Variants in PDE11A observed in about 807,000 individuals in gnomAD.
PDE11A encodes phosphodiesterase 11A.
A neutral mutation model predicts 100.5 loss-of-function variants in PDE11A; 100 were observed. That is an observed-to-expected ratio of 1.00 (90% CI 0.85 to 1.18). The LOEUF (loss-of-function observed/expected upper bound fraction) is 1.18. Ranked by LOEUF, PDE11A falls within the 50% of genes most tolerant of loss-of-function variation. The pLI is 0.00. For missense variants in PDE11A, 1,141 were observed against 1,152.6 expected, an observed-to-expected ratio of 0.99 and a Z score of 0.15; for synonymous variants, 381 against 420.8, an observed-to-expected ratio of 0.91 and a Z score of 1.16.
intron 2 of PDE11A, among the ~76,000 whole-genome samples, chr2:178,098,209 T>A (rs912565989): frequency 6.6e-6 from 1 of 152,208 alleles, no homozygotes; most frequent in Admixed American, 6.5e-5. Flanking sequence ...TCAAGTGTAA[T>A]AACAATCCCC....
At chr2:177,914,969 G>C (rs901885407) in intron 2 of PDE11A, among the ~76,000 whole-genome samples, 1 of 152,084 alleles carries the variant, frequency 6.6e-6, no homozygotes, top group Non-Finnish European at 1.5e-5. Context: ...TTTGCATGCT[G>C]TTTTAAGGGT....
chr2:177,691,806 C>T (rs531717655), intron 15 of PDE11A, among the ~76,000 whole-genome samples: 1 of 152,134 alleles, frequency 6.6e-6, no homozygotes, highest in Non-Finnish European at 1.5e-5. Context: ...TGTTGAAAGT[C>T]ATTTTGTTTC....
At chr2:178,087,217 G>A (rs1026340134) in intron 2 of PDE11A, among the ~76,000 whole-genome samples, 9 of 152,026 alleles carry the variant, frequency 5.9e-5, no homozygotes, top group Non-Finnish European at 1.2e-4. Context: ...GCCAGGTGTG[G>A]TGGCAGGTGC....
intron 19 of PDE11A, among the ~76,000 whole-genome samples, chr2:177,656,470 CT>C (rs35046636): frequency 0.063 from 9,588 of 152,296 alleles, 502 homozygotes; most frequent in Non-Finnish European, 0.087. Flanking sequence ...GAATGTATCC[CT>C]GTTGTTAAGC....
intron 9 of PDE11A, among the ~76,000 whole-genome samples, chr2:177,787,456 G>A (rs901251607): frequency 2.0e-5 from 3 of 151,746 alleles, no homozygotes; most frequent in Admixed American, 6.6e-5. Context: ...AAAGACCATC[G>A]AGACTAGGAA....
At chr2:177,766,039 G>A (rs944693762) in intron 10 of PDE11A, among the ~76,000 whole-genome samples, 5 of 152,106 alleles carry the variant, frequency 3.3e-5, no homozygotes, top group Non-Finnish European at 2.9e-5. Flanking sequence ...TAGTCTGGTC[G>A]GGTATAATCC....
intron 2 of PDE11A, chr2:177,998,871 C>A: frequency 1.7e-6 from 1 of 572,614 alleles, no homozygotes; most frequent in South Asian, 2.3e-5. Context: ...ACTATTACAC[C>A]CAACTGGATG....
intron 5 of PDE11A, among the ~76,000 whole-genome samples, chr2:177,845,372 G>A (rs1305348436): frequency 1.3e-5 from 2 of 150,220 alleles, no homozygotes; most frequent in Non-Finnish European, 3.0e-5. Context: ...CCGGGCAGAG[G>A]CGCTCCTCAC....
chr2:177,845,051 G>A (rs1413224401), intron 5 of PDE11A, among the ~76,000 whole-genome samples: 2 of 151,996 alleles, frequency 1.3e-5, no homozygotes, highest in East Asian at 3.9e-4. Context: ...ATGAGCTGTT[G>A]GGCACACCTC....
intron 5 of PDE11A, among the ~76,000 whole-genome samples, chr2:177,844,133 C>A (rs951414749): frequency 6.6e-6 from 1 of 152,236 alleles, no homozygotes; most frequent in South Asian, 2.1e-4. Context: ...TTAGTCCATT[C>A]AGGCTGCTAG....
intron 5 of PDE11A, among the ~76,000 whole-genome samples, chr2:177,851,343 A>G (rs1574214337): frequency 6.6e-6 from 1 of 152,112 alleles, no homozygotes; most frequent in South Asian, 2.1e-4. Flanking sequence ...CAATGAGAAC[A>G]CTTGGACACA....
intron 9 of PDE11A, among the ~76,000 whole-genome samples, chr2:177,815,586 C>A (rs1423672527): frequency 2.0e-5 from 3 of 152,086 alleles, no homozygotes; most frequent in Non-Finnish European, 4.4e-5. Context: ...ACCCTCCATT[C>A]AAAAATTATT....
At chr2:177,638,253 C>T (rs1262998868) in intron 19 of PDE11A, among the ~76,000 whole-genome samples, 1 of 151,960 alleles carries the variant, frequency 6.6e-6, no homozygotes, top group Non-Finnish European at 1.5e-5. Context: ...CCTGCCTCGC[C>T]CTCCCAAAGT....
intron 2 of PDE11A, among the ~76,000 whole-genome samples, chr2:177,982,792 AAGGCC>A (rs2085899020): frequency 6.6e-6 from 1 of 150,926 alleles, no homozygotes; most frequent in Non-Finnish European, 1.5e-5. Context: ...CTATAAAAAT[AAGGCC>A]AGGCATGGTA....
intron 19 of PDE11A, among the ~76,000 whole-genome samples, chr2:177,636,548 C>T (rs1266367384): frequency 1.3e-5 from 2 of 152,136 alleles, no homozygotes; most frequent in Admixed American, 6.5e-5. Flanking sequence ...ATAATTTTCT[C>T]AGGAACTTTA....
intron 2 of PDE11A, chr2:177,922,859 T>C: frequency 1.0e-6 from 1 of 979,994 alleles, no homozygotes; most frequent in Non-Finnish European, 1.2e-6. Flanking sequence ...CAATAGATTA[T>C]CCATGCCCAT....
intron 6 of PDE11A, among the ~76,000 whole-genome samples, chr2:177,838,241 T>C (rs1004864846): frequency 3.5e-4 from 54 of 152,330 alleles, no homozygotes; most frequent in African/African-American, 1.2e-3. Context: ...AATACAAGCT[T>C]TCCTAGCCTT....
chr2:178,071,385 G>C (rs1287955684), intron 1 of PDE11A, 141 bp downstream of exon 1: 36 of 979,802 alleles, frequency 3.7e-5, no homozygotes, highest in Non-Finnish European at 5.1e-5. Flanking sequence ...ATTCTAACTA[G>C]TCTAAACTCG....
intron 4 of PDE11A, among the ~76,000 whole-genome samples, chr2:177,887,681 G>GCTC (rs1349229946): frequency 1.3e-5 from 2 of 152,162 alleles, no homozygotes; most frequent in African/African-American, 2.4e-5. Flanking sequence ...TTGAGCCTGG[G>GCTC]ACGTCAAGGC....
Sources: gnomAD v4.1 joint callset for allele counts (sites outside exome capture counted in the v4.1 genomes callset) on GRCh38, gnomAD v4.1.1 for gene constraint, MANE v1.5 for transcripts, NCBI Gene and HGNC (gene_info 2026-07-23, HGNC 2026-07-21) for gene names.